TRAK1: variants seen among roughly 807,000 people sequenced by gnomAD.
TRAK1 encodes the protein trafficking kinesin-binding protein 1.
A neutral mutation model predicts 92.1 loss-of-function variants in TRAK1; 33 were observed. The observed-to-expected ratio is 0.36, with a 90% confidence interval of 0.27 to 0.48. TRAK1 has a LOEUF of 0.48. TRAK1 is among the 20% of genes least tolerant of loss of function. The pLI is 0.99. For missense variants in TRAK1, 1,123 were observed against 1,257.9 expected (o/e 0.89, Z 1.62); for synonymous variants, 521 against 517.3 (o/e 1.01, Z -0.10).
intron 1 of TRAK1, among the ~76,000 whole-genome samples, chr3:42,023,968 T>C (rs753427955): frequency 6.6e-6 from 1 of 152,090 alleles, no homozygotes; most frequent in Non-Finnish European, 1.5e-5. Flanking sequence ...TTGGCCAGGC[T>C]GGTCTCGAAT....
chr3:42,204,140 A>T (rs550963193), intron 13 of TRAK1: 1 of 985,792 alleles, frequency 1.0e-6, no homozygotes, highest in East Asian at 1.1e-4. Context: ...TTGTTTTCTG[A>T]TCCACATTGT....
intron 14 of TRAK1, chr3:42,217,601 A>C (rs1440990373): frequency 1.0e-6 from 1 of 985,360 alleles, no homozygotes; most frequent in Non-Finnish European, 1.2e-6. Context: ...TATTCTGGCC[A>C]TATGTTTAAA....
chr3:42,200,590 C>T (rs1707382342), intron 11 of TRAK1, among the ~76,000 whole-genome samples: 1 of 152,192 alleles, frequency 6.6e-6, no homozygotes, highest in Non-Finnish European at 1.5e-5. Flanking sequence ...TAGGATACAA[C>T]CATGCGTTCG....
intron 1 of TRAK1, among the ~76,000 whole-genome samples, chr3:42,107,280 C>G (rs1483019876): frequency 6.6e-6 from 1 of 152,168 alleles, no homozygotes; most frequent in Non-Finnish European, 1.5e-5. Context: ...CTTTGGGAGG[C>G]CAAGGCGGGC....
Position 42,157,489 on chromosome 3 carries a change from A to AAAAAAAG in TRAK1, c.287-19325_287-19324insAAAAAAG, listed in dbSNP as rs1553739632. ...AAAAAAAAAAAAAAAAAAAAAAAAA[A>AAAAAAAG]GGTTAACATTGGCAGTAGTGGGACC... On this transcript the variant is annotated intron_variant, in intron 2 of 15. Coordinates refer to ENST00000327628, the MANE Select transcript of TRAK1 (RefSeq NM_001042646.3). Among the ~76,000 whole-genome samples, 85 of 144,804 alleles carry AAAAAAAG rather than the reference A, an allele frequency of 5.9e-4. 1 individual carries two copies. The highest frequency in any genetic ancestry group is 1.1e-3 in the Non-Finnish European group (74 of 65,580). The allele number at this position is 144,804 out of a possible 152,430, so 95.0% of individuals were successfully genotyped here.
intron 1 of TRAK1, among the ~76,000 whole-genome samples, chr3:42,095,499 A>G (rs1000092073): frequency 2.6e-5 from 4 of 152,220 alleles, no homozygotes; most frequent in Non-Finnish European, 5.9e-5. Flanking sequence ...AGTGCAGAGC[A>G]GCTCTCACTC....
chr3:42,218,070 C>A (rs1029496343), intron 14 of TRAK1: 17 of 985,210 alleles, frequency 1.7e-5, no homozygotes, highest in Non-Finnish European at 1.9e-5. Context: ...GACACACAGA[C>A]CCGAGTCAGA....
chr3:42,191,451 G>A (rs1705721274), intron 6 of TRAK1, 107 bp from the exon 7 acceptor site: 1 of 897,610 alleles, frequency 1.1e-6, no homozygotes, highest in South Asian at 1.8e-5. Flanking sequence ...GGAATGCTAA[G>A]GGCAGCTTCC....
chr3:42,015,410 G>A (rs920339537), intron 1 of TRAK1, among the ~76,000 whole-genome samples: 6 of 151,940 alleles, frequency 3.9e-5, no homozygotes, highest in Admixed American at 3.9e-4. Context: ...CATCCCCAGC[G>A]CTCGCTTGAG....
At chr3:42,086,721 G>A (rs1260030398), upstream of TRAK1, among the ~76,000 whole-genome samples, 1 of 152,152 alleles carries the variant, frequency 6.6e-6, no homozygotes, top group African/African-American at 2.4e-5. Flanking sequence ...GTGGTTGAAA[G>A]AGTTTAAGAG....
chr3:42,101,240 A>G (rs992116998), intron 1 of TRAK1, among the ~76,000 whole-genome samples: 4 of 152,234 alleles, frequency 2.6e-5, no homozygotes, highest in African/African-American at 4.8e-5. Flanking sequence ...CCCACTGGAC[A>G]TGGAGTTATG....
rs1453801951 is a variant in TRAK1, at chr3:42,219,530, C to A, written c.2000C>A (p.Ser667Tyr). The change falls in exon 15 of 16, where the codon TCC (serine) becomes TAC (tyrosine). Residue 667 changes from serine to tyrosine, a missense_variant. This residue lies in a region of TRAK1 where 401 missense variants were observed against 438.9 expected (regional missense o/e 0.91). Transcript: ENST00000327628. ...GGGAAGTGCATGTCTCAGACCAACT[C>A]CACCTTCACCTTCACCACCTGTCGC... ...HPGKCMSQTN[S>Y]TFTFTTCRIL... 1.2e-6 allele frequency: 2 copies of A among 1,613,956 alleles called. No individual in the cohort carries two copies. Among genetic ancestry groups the A allele is most frequent in the African/African-American group, 2.7e-5 (2 of 74,888 alleles).
chr3:42,088,355 C>A (rs1704795220), upstream of TRAK1, among the ~76,000 whole-genome samples: 2 of 152,076 alleles, frequency 1.3e-5, no homozygotes, highest in African/African-American at 4.8e-5. Flanking sequence ...ACCTCCTCTC[C>A]CTTTTTGTTA....
rs551052469 is a variant in TRAK1, at chr3:42,224,166, G to A, written c.*429G>A. 177 of 445,870 alleles carry A rather than the reference G, an allele frequency of 4.0e-4. 2 individuals are homozygous for A. The Middle Eastern group carries it at 0.012, about 30-fold the overall frequency. 27.6% of individuals were successfully genotyped at this position (445,870 alleles called of 1,614,324 possible). A position where few individuals can be genotyped will look rare whatever the true frequency, so the allele number is the denominator to read the frequency against. The stretch of plus-strand genomic sequence containing the variant: ...ACGCGGCACGGGTCATAACACATCT[G>A]GGTGTCATCGGACACCTCACCTCGC... On this transcript the variant is annotated 3_prime_UTR_variant, in exon 16 of 16. Transcript: ENST00000327628.
chr3:42,098,408 C>T (rs1706257017), intron 1 of TRAK1, among the ~76,000 whole-genome samples: 1 of 152,084 alleles, frequency 6.6e-6, no homozygotes. Context: ...GTCAACTGAC[C>T]CTTTCCCAGT....
intron 2 of TRAK1, among the ~76,000 whole-genome samples, chr3:42,168,197 C>CT (rs1210364869): frequency 6.6e-6 from 1 of 152,088 alleles, no homozygotes; most frequent in Non-Finnish European, 1.5e-5. Context: ...AGATTAGTAC[C>CT]TTTATGTGCT....
At chr3:42,066,762 G>C (rs1423928622) in intron 1 of TRAK1, among the ~76,000 whole-genome samples, 1 of 152,142 alleles carries the variant, frequency 6.6e-6, no homozygotes, top group Non-Finnish European at 1.5e-5. Context: ...TGAAGGCCCA[G>C]CTGTCACTGT....
intron 13 of TRAK1, among the ~76,000 whole-genome samples, chr3:42,208,038 C>T (rs1460668788): frequency 6.6e-6 from 1 of 152,150 alleles, no homozygotes; most frequent in Non-Finnish European, 1.5e-5. Context: ...TACCAAATGT[C>T]CCTGGGGGAG....
At chr3:42,220,805 C>A (rs906152958) in intron 15 of TRAK1, among the ~76,000 whole-genome samples, 5 of 152,196 alleles carry the variant, frequency 3.3e-5, no homozygotes, top group African/African-American at 4.8e-5. Context: ...ACCCTAAGTT[C>A]TCACCAGACG....
Sources: allele counts gnomAD v4.1 joint callset (sites outside exome capture counted in the v4.1 genomes callset), GRCh38; gene constraint gnomAD v4.1.1; regional missense constraint gnomAD v4.1.1; transcripts MANE v1.5; gene names NCBI Gene and HGNC (gene_info 2026-07-23, HGNC 2026-07-21).